Variants in CHCHD6 observed in about 807,000 individuals in gnomAD.
The protein encoded by CHCHD6 is coiled-coil-helix-coiled-coil-helix domain containing 6.
A neutral mutation model predicts 32.3 loss-of-function variants in CHCHD6; 28 were observed. That is an observed-to-expected ratio of 0.87 (90% CI 0.64 to 1.19). CHCHD6 has a LOEUF of 1.19. Among genes scored for constraint, CHCHD6 ranks in the 50% most tolerant of loss-of-function variants. CHCHD6 has a pLI of 0.00. For synonymous variants in CHCHD6, 122 were observed against 117.5 expected, an observed-to-expected ratio of 1.04 and a Z score of -0.25; for missense variants, 333 against 307.0, an observed-to-expected ratio of 1.08 and a Z score of -0.63.
rs533644080 is a variant in CHCHD6 at position 126,787,858 on chromosome 3, C to G, written c.411+54636C>G. Among the ~76,000 whole-genome samples the G allele has an allele frequency of 8.2e-3, 1,251 of 152,268 alleles. 10 individuals carry two copies. Among genetic ancestry groups the G allele is most frequent in the Middle Eastern group, 0.017 (5 of 294 alleles). ...ATTGCCCTGGCCAGAACTTCCAACA[C>G]TATGTTGAATAGGAGTGGTGAGAGA... On this transcript the variant is annotated intron_variant, in intron 4 of 7. Coordinates refer to ENST00000290913, the MANE Select transcript of CHCHD6 (RefSeq NM_032343.3).
At chr3:126,729,493 C>CTTATTTAAAATTTATATAAAAAATTATAT (rs1360472934) in intron 2 of CHCHD6, among the ~76,000 whole-genome samples, 3 of 152,124 alleles carry the variant, frequency 2.0e-5, no homozygotes, top group African/African-American at 4.8e-5. Flanking sequence ...ATATAAAAAG[C>CTTATTTAAAATTTATATAAAAAATTATAT]AAAAATACCA....
chr3:126,735,755 G>A (rs1936016788), intron 4 of CHCHD6, among the ~76,000 whole-genome samples: 1 of 152,328 alleles, frequency 6.6e-6, no homozygotes, highest in Non-Finnish European at 1.5e-5. Flanking sequence ...CACTTTCAGG[G>A]TACCATTGGT....
intron 5 of CHCHD6, among the ~76,000 whole-genome samples, chr3:126,869,399 G>C (rs1199087941): frequency 6.7e-6 from 1 of 150,224 alleles, no homozygotes; most frequent in Non-Finnish European, 1.5e-5. Context: ...AATTTCAATG[G>C]ATACATCCAA....
At chr3:126,946,558 G>T (rs918683457) in intron 6 of CHCHD6, among the ~76,000 whole-genome samples, 1 of 152,170 alleles carries the variant, frequency 6.6e-6, no homozygotes, top group Admixed American at 6.5e-5. Context: ...TGAGGGATGG[G>T]GCAGCTGGAG....
At chr3:126,865,961 T>C (rs1452240219) in intron 5 of CHCHD6, among the ~76,000 whole-genome samples, 2 of 152,208 alleles carry the variant, frequency 1.3e-5, no homozygotes, top group African/African-American at 4.8e-5. Flanking sequence ...ACCTGCGCTT[T>C]GCTAAGTACA....
chr3:126,870,497 G>C (rs948811191), intron 5 of CHCHD6, among the ~76,000 whole-genome samples: 6 of 152,126 alleles, frequency 3.9e-5, no homozygotes, highest in Non-Finnish European at 7.4e-5. Context: ...TTGTCCTTTT[G>C]GTTTTGTCTC....
chr3:126,867,862 C>G (rs746959788), intron 5 of CHCHD6, among the ~76,000 whole-genome samples: 7 of 152,354 alleles, frequency 4.6e-5, no homozygotes, highest in Middle Eastern at 3.4e-3. Context: ...AAAACCTCCT[C>G]CACCTATGAT....
At chr3:126,737,548 A>C in intron 4 of CHCHD6, among the ~76,000 whole-genome samples, 1 of 152,086 alleles carries the variant, frequency 6.6e-6, no homozygotes, top group East Asian at 1.9e-4. Flanking sequence ...AGAATTAAAC[A>C]TTCTCAGAAG....
chr3:126,861,901 A>T (rs1420014412), intron 5 of CHCHD6, among the ~76,000 whole-genome samples: 27 of 52,076 alleles, frequency 5.2e-4, no homozygotes, highest in African/African-American at 1.3e-3. Flanking sequence ...CTCCCCCTCC[A>T]TGACCATCAC....
At position 126,730,575 on chromosome 3, in the gene CHCHD6, A is replaced by C; in HGVS notation, c.211A>C (p.Arg71=). 6.2e-7 allele frequency: 1 copy of C among 1,613,788 alleles called. No homozygotes were observed. The highest frequency in any genetic ancestry group is 1.1e-5 in the South Asian group (1 of 91,022). Reference sequence around the variant, plus strand: ...TTCCTTTGCAGAATCCACACTGCCCAGGTCGGGGAGCAGTGGTGGCCAGCA... The same window carrying C: ...TTCCTTTGCAGAATCCACACTGCCCCGGTCGGGGAGCAGTGGTGGCCAGCA... The part of the protein sequence containing the change: ...RAPHKESTLP[R]SGSSGGQQPS... Residue 71 remains arginine, a synonymous_variant, in exon 3 of 8, where the codon AGG becomes CGG. Coordinates refer to ENST00000290913, the MANE Select transcript of CHCHD6 (RefSeq NM_032343.3).
intron 4 of CHCHD6, among the ~76,000 whole-genome samples, chr3:126,803,744 G>T (rs970743715): frequency 6.6e-6 from 1 of 152,114 alleles, no homozygotes; most frequent in Non-Finnish European, 1.5e-5. Flanking sequence ...CTCCACCCCA[G>T]ATCAACGGAA....
intron 5 of CHCHD6, among the ~76,000 whole-genome samples, chr3:126,872,386 C>T (rs2077487123): frequency 6.6e-6 from 1 of 151,904 alleles, no homozygotes; most frequent in Non-Finnish European, 1.5e-5. Context: ...TTTTAAGTGC[C>T]AAGATGAAGA....
At chr3:126,865,281 A>G (rs1324994731) in intron 5 of CHCHD6, among the ~76,000 whole-genome samples, 1 of 149,086 alleles carries the variant, frequency 6.7e-6, no homozygotes, top group Non-Finnish European at 1.5e-5. Flanking sequence ...TACCTCCTCT[A>G]CTTCCAGCCA....
chr3:126,933,689 A>T (rs572864710), intron 6 of CHCHD6, among the ~76,000 whole-genome samples: 1 of 151,994 alleles, frequency 6.6e-6, no homozygotes, highest in African/African-American at 2.4e-5. Context: ...TGACCCAGAC[A>T]CCTCCCACCA....
In CHCHD6 at chr3:126,893,159, G is replaced by C. The variant is rs551341953; in HGVS notation, c.496-21521G>C. On this transcript the variant is annotated intron_variant, in intron 5 of 7. Coordinates refer to ENST00000290913, the MANE Select transcript of CHCHD6 (RefSeq NM_032343.3). Reference sequence around the variant, plus strand: ...AATTTTGTATTTTTAGTAGAGATGGGGTTTTGCCAAGCTGGTCTCGAACTC... The same window carrying C: ...AATTTTGTATTTTTAGTAGAGATGGCGTTTTGCCAAGCTGGTCTCGAACTC... 7.2e-5 allele frequency among the ~76,000 whole-genome samples: 11 copies of C among 151,990 alleles called. No homozygotes were observed. The South Asian group carries it at 2.3e-3, about 32-fold the overall frequency.
intron 5 of CHCHD6, among the ~76,000 whole-genome samples, chr3:126,864,051 T>C (rs1426089083): frequency 3.5e-3 from 202 of 58,424 alleles, no homozygotes; most frequent in Middle Eastern, 0.015. Flanking sequence ...CCTCCTCCTC[T>C]ACCATCACCT....
intron 4 of CHCHD6, among the ~76,000 whole-genome samples, chr3:126,826,325 C>T (rs548782514): frequency 1.3e-5 from 2 of 152,246 alleles, no homozygotes; most frequent in Admixed American, 1.3e-4. Flanking sequence ...ATGATGATGC[C>T]TTTTACCTAT....
chr3:126,934,446 C>T (rs577350051), intron 6 of CHCHD6, among the ~76,000 whole-genome samples: 69 of 150,784 alleles, frequency 4.6e-4, no homozygotes, highest in South Asian at 1.5e-3. Flanking sequence ...TGCAGTGTTC[C>T]GGGCACTGTG....
chr3:126,956,602 AGAGAGAG>A (rs2078788129), intron 6 of CHCHD6, among the ~76,000 whole-genome samples: 1 of 27,660 alleles, frequency 3.6e-5, no homozygotes, highest in Non-Finnish European at 2.4e-4. Context: ...TGTGCGCACG[AGAGAGAG>A]AGAGAGAGAG....
Sources: allele counts gnomAD v4.1 joint callset (sites outside exome capture counted in the v4.1 genomes callset), GRCh38; gene constraint gnomAD v4.1.1; transcripts MANE v1.5; gene names NCBI Gene and HGNC (gene_info 2026-07-23, HGNC 2026-07-21).